The following CYRIB variants were observed in gnomAD, a reference collection of about 807,000 sequenced individuals.
CYRIB encodes CYFIP related Rac1 interactor B, also known as CYFIP-related Rac1 interactor B.
In CYRIB, 8 loss-of-function variants were observed where a neutral mutation model predicts 44.2. The observed-to-expected ratio is 0.18, with a 90% confidence interval of 0.11 to 0.33. The LOEUF (loss-of-function observed/expected upper bound fraction) is 0.33, where lower values mean the gene tolerates loss of function less well. Ranked by LOEUF, CYRIB falls within the 10% of genes least tolerant of loss-of-function variation. CYRIB has a pLI of 1.00. For synonymous variants in CYRIB, 131 were observed against 127.2 expected (o/e 1.03, Z -0.20); for missense variants, 185 against 382.8 (o/e 0.48, Z 4.31).
chr8:129,841,463 G>A (rs1209143636), exon 12 of CYRIB: 1 of 152,508 alleles, frequency 6.6e-6, no homozygotes, highest in Admixed American at 6.6e-5. Context: ...AGTAAACCAA[G>A]CCACACTTAG....
chr8:130,000,675 G>C (rs1042259790), intron 1 of CYRIB, among the ~76,000 whole-genome samples: 1 of 152,058 alleles, frequency 6.6e-6, no homozygotes, highest in Non-Finnish European at 1.5e-5. Context: ...ATGGGTGACA[G>C]AGCAAGACTC....
intron 2 of CYRIB, among the ~76,000 whole-genome samples, chr8:129,888,638 C>T (rs1384960196): frequency 3.3e-5 from 5 of 152,294 alleles, no homozygotes; most frequent in African/African-American, 9.6e-5. Context: ...ACTGATGGTT[C>T]GTACCATCTA....
chr8:130,013,995 G>GA (rs2097285277), intron 1 of CYRIB, among the ~76,000 whole-genome samples: 1 of 152,222 alleles, frequency 6.6e-6, no homozygotes, highest in Non-Finnish European at 1.5e-5. Flanking sequence ...AGTGAGCTCT[G>GA]CAGGCTGAAG....
chr8:129,884,877 T>G (rs530282253), intron 2 of CYRIB, among the ~76,000 whole-genome samples: 1 of 152,314 alleles, frequency 6.6e-6, no homozygotes, highest in East Asian at 1.9e-4. Flanking sequence ...TATGAGCCCT[T>G]ACATTAGACA....
At chr8:129,877,971 A>C (rs367860110) in intron 3 of CYRIB, among the ~76,000 whole-genome samples, 4 of 152,178 alleles carry the variant, frequency 2.6e-5, no homozygotes, top group African/African-American at 9.7e-5. Context: ...ATACAGCTCT[A>C]ATGTAAGTTG....
intron 1 of CYRIB, among the ~76,000 whole-genome samples, chr8:129,983,026 A>C (rs1591719441): frequency 1.4e-5 from 2 of 147,800 alleles, no homozygotes; most frequent in East Asian, 2.0e-4. Flanking sequence ...AAAAAAAAAA[A>C]CACCCTTGGA....
chr8:129,933,665 G>A (rs1461086004), intron 1 of CYRIB, among the ~76,000 whole-genome samples: 2 of 152,184 alleles, frequency 1.3e-5, no homozygotes, highest in Middle Eastern at 3.4e-3. Context: ...ATCACTTGAG[G>A]TCAGAAGTTC....
At chr8:129,870,394 G>A (rs970483873) in intron 4 of CYRIB, among the ~76,000 whole-genome samples, 3 of 152,204 alleles carry the variant, frequency 2.0e-5, no homozygotes, top group Non-Finnish European at 4.4e-5. Flanking sequence ...GGGTGACGGA[G>A]CTAAACCCTG....
chr8:129,883,362 C>T (rs761099211), intron 2 of CYRIB, among the ~76,000 whole-genome samples: 6 of 151,978 alleles, frequency 3.9e-5, no homozygotes, highest in Non-Finnish European at 7.4e-5. Context: ...GGCAAAATCA[C>T]CCGACTGAGA....
intron 2 of CYRIB, among the ~76,000 whole-genome samples, chr8:129,959,721 A>G (rs2095124291): frequency 6.6e-6 from 1 of 152,182 alleles, no homozygotes; most frequent in African/African-American, 2.4e-5. Context: ...TTCCCCATCA[A>G]GAGGCATTCT....
chr8:130,004,761 A>ATTTT lies in CYRIB; in HGVS notation c.-296+11605_-296+11608dup, dbSNP rs775327457. ...GGAACAACTCGGGAGATTGTCAGGA[A>ATTTT]TTTTTTTTTTTTTTTTTTTTTTTGA... On this transcript the variant is annotated intron_variant, in intron 1 of 14. Coordinates refer to the CYRIB transcript ENST00000401979. Among the ~76,000 whole-genome samples the ATTTT allele has an allele frequency of 2.4e-3, 295 of 123,862 alleles. 5 individuals carry two copies. The highest frequency in any genetic ancestry group is 3.9e-3 in the Non-Finnish European group (227 of 58,442). 81.3% of individuals were successfully genotyped at this position (123,862 alleles called of 152,430 possible). A position where few individuals can be genotyped will look rare whatever the true frequency, so the allele number is the denominator to read the frequency against.
chr8:129,913,924 C>A (rs761148765), intron 1 of CYRIB, among the ~76,000 whole-genome samples: 25 of 152,080 alleles, frequency 1.6e-4, no homozygotes, highest in Admixed American at 3.9e-4. Context: ...TAGTTTTTGT[C>A]TTTTTTAAAT....
At chr8:129,993,235 T>TA (rs199624843) in intron 1 of CYRIB, among the ~76,000 whole-genome samples, 222 of 145,984 alleles carry the variant, frequency 1.5e-3, no homozygotes, top group African/African-American at 4.5e-3. Context: ...CTACTGAAAA[T>TA]AAAAAAAATT....
At chr8:129,926,405 G>C (rs1290993886) in intron 1 of CYRIB, among the ~76,000 whole-genome samples, 1 of 152,088 alleles carries the variant, frequency 6.6e-6, no homozygotes, top group Non-Finnish European at 1.5e-5. Flanking sequence ...TTTCTAAAAT[G>C]TGTCTCACTG....
At chr8:129,896,128 T>C (rs973679832) in intron 2 of CYRIB, among the ~76,000 whole-genome samples, 1 of 152,208 alleles carries the variant, frequency 6.6e-6, no homozygotes, top group Non-Finnish European at 1.5e-5. Flanking sequence ...TTTTTGAAAC[T>C]CCAGCCTAAC....
At chr8:129,857,002 T>C (rs550896866) in intron 5 of CYRIB, among the ~76,000 whole-genome samples, 4 of 152,328 alleles carry the variant, frequency 2.6e-5, no homozygotes, top group South Asian at 2.1e-4. Context: ...TTAAAAACAA[T>C]AGTAGGTACT....
chr8:129,939,906 C>G (rs1440508253), upstream of CYRIB: 1 of 152,296 alleles, frequency 6.6e-6, no homozygotes, highest in Non-Finnish European at 1.5e-5. Flanking sequence ...GCGCCGCACG[C>G]CCGCCCCGCA....
chr8:129,930,963 A>G (rs2091064649), intron 1 of CYRIB, among the ~76,000 whole-genome samples: 1 of 152,208 alleles, frequency 6.6e-6, no homozygotes, highest in African/African-American at 2.4e-5. Context: ...CTCGGTAAAT[A>G]TATTTACTAA....
chr8:129,939,967 A>C (rs2093536864), upstream of CYRIB: 1 of 152,184 alleles, frequency 6.6e-6, no homozygotes, highest in South Asian at 2.1e-4. Flanking sequence ...CCCCTCCCGA[A>C]GGGGCGGGGC....
Sources: gnomAD v4.1 joint callset for allele counts (sites outside exome capture counted in the v4.1 genomes callset) on GRCh38, gnomAD v4.1.1 for gene constraint, MANE v1.5 for transcripts, NCBI Gene and HGNC (gene_info 2026-07-23, HGNC 2026-07-21) for gene names.